The following PDE4D variants were observed in gnomAD, a reference collection of about 807,000 sequenced individuals.
PDE4D encodes 3',5'-cyclic-AMP phosphodiesterase 4D.
PDE4D carries 24 observed loss-of-function variants against 87.4 expected under a neutral mutation model. The observed-to-expected ratio is 0.27, with a 90% CI of 0.20 to 0.39. The LOEUF (loss-of-function observed/expected upper bound fraction) is 0.39. PDE4D is among the 10% of genes least tolerant of loss of function. The probability of loss-of-function intolerance (pLI) is 1.00; values close to 1 mark genes in which losing one functional copy is unlikely to be tolerated. For missense variants in PDE4D, 714 were observed against 1,041.0 expected, an observed-to-expected ratio of 0.69 and a Z score of 4.32; for synonymous variants, 384 against 383.2, an observed-to-expected ratio of 1.00 and a Z score of -0.02.
At chr5:60,487,288 T>C (rs942443513) in intron 1 of PDE4D, among the ~76,000 whole-genome samples, 2 of 152,250 alleles carry the variant, frequency 1.3e-5, no homozygotes, top group Non-Finnish European at 2.9e-5. Context: ...TGTGTCTGTA[T>C]GTGTTTAATG....
intron 1 of PDE4D, among the ~76,000 whole-genome samples, chr5:60,471,440 A>G (rs1370175084): frequency 6.6e-6 from 1 of 152,208 alleles, no homozygotes; most frequent in Non-Finnish European, 1.5e-5. Flanking sequence ...TGGGTTTGAG[A>G]GGACTGACAG....
In PDE4D at chr5:60,107,413, G is replaced by A. The variant is rs539297034; in HGVS notation, c.42+78144C>T. On this transcript the variant is annotated intron_variant, in intron 2 of 16. Transcript: ENST00000502484. ...TCCAGGACCAGATGGATTCACAGCC[G>A]AATTCTACCAGAGGTACAAGGAGGA... 1.8e-4 allele frequency among the ~76,000 whole-genome samples: 27 copies of A among 152,194 alleles called. 1 individual carries two copies. The South Asian group carries it at 3.9e-3, about 22-fold the overall frequency.
At chr5:60,016,749 G>A (rs1172368881) in intron 2 of PDE4D, among the ~76,000 whole-genome samples, 1 of 152,118 alleles carries the variant, frequency 6.6e-6, no homozygotes, top group African/African-American at 2.4e-5. Context: ...CAGCAATTCA[G>A]CCACTTCTGC....
intron 1 of PDE4D, among the ~76,000 whole-genome samples, chr5:59,515,861 A>G (rs925864232): frequency 1.3e-5 from 2 of 152,228 alleles, no homozygotes; most frequent in Non-Finnish European, 2.9e-5. Context: ...TGTCAAAGGT[A>G]ACACTACCAG....
At chr5:59,573,406 C>T (rs1311886579) in intron 1 of PDE4D, among the ~76,000 whole-genome samples, 1 of 152,016 alleles carries the variant, frequency 6.6e-6, no homozygotes, top group Non-Finnish European at 1.5e-5. Context: ...AGTGGTCTTC[C>T]CACCCCTAGC....
intron 1 of PDE4D, among the ~76,000 whole-genome samples, chr5:59,462,753 A>T (rs928543681): frequency 6.6e-6 from 1 of 152,172 alleles, no homozygotes; most frequent in African/African-American, 2.4e-5. Flanking sequence ...TCAATGATGT[A>T]ATATTTAACA....
chr5:60,458,016 T>C (rs574238049), intron 1 of PDE4D, among the ~76,000 whole-genome samples: 3 of 152,336 alleles, frequency 2.0e-5, no homozygotes, highest in African/African-American at 4.8e-5. Context: ...CTATGAGCCA[T>C]CCAGTTGCTA....
intron 1 of PDE4D, among the ~76,000 whole-genome samples, chr5:59,333,501 C>G (rs1275101944): frequency 6.6e-6 from 1 of 152,132 alleles, no homozygotes; most frequent in African/African-American, 2.4e-5. Context: ...TTTTGATTTT[C>G]CCTGTGCAGA....
At chr5:60,280,461 A>G (rs1751792539) in intron 1 of PDE4D, among the ~76,000 whole-genome samples, 1 of 152,142 alleles carries the variant, frequency 6.6e-6, no homozygotes, top group Admixed American at 6.6e-5. Context: ...TAGTGAATAT[A>G]ATTAAATTTA....
chr5:59,756,555 T>C lies in PDE4D; in HGVS notation c.455+136613A>G, dbSNP rs531889122. Among the ~76,000 whole-genome samples, 22 of 102,048 alleles carry C rather than the reference T, an allele frequency of 2.2e-4. No homozygotes were observed. In the South Asian group the frequency reaches 6.3e-3, roughly 29 times the overall value. 66.9% of individuals were successfully genotyped at this position (102,048 alleles called of 152,430 possible). Reference sequence around the variant, plus strand: ...ACACACAGAGACACACACTGAGTCATGGTGACAAAGTCCACACAAATGGTT... The same window carrying C: ...ACACACAGAGACACACACTGAGTCACGGTGACAAAGTCCACACAAATGGTT... On this transcript the variant is annotated intron_variant, in intron 1 of 14. Coordinates refer to ENST00000340635, the MANE Select transcript of PDE4D (RefSeq NM_001104631.2).
At chr5:60,418,484 T>G (rs1256678751) in intron 1 of PDE4D, among the ~76,000 whole-genome samples, 1 of 150,698 alleles carries the variant, frequency 6.6e-6, no homozygotes, top group Non-Finnish European at 1.5e-5. Flanking sequence ...TCGCTGCTGC[T>G]TATCTTATTT....
intron 3 of PDE4D, among the ~76,000 whole-genome samples, chr5:59,957,939 G>A (rs982493933): frequency 2.0e-5 from 3 of 152,220 alleles, no homozygotes; most frequent in African/African-American, 7.2e-5. Context: ...AGCCTGGAGA[G>A]TTTCCTGATT....
chr5:59,060,945 A>C (rs985132158), intron 5 of PDE4D, among the ~76,000 whole-genome samples: 12 of 152,122 alleles, frequency 7.9e-5, no homozygotes, highest in African/African-American at 2.9e-4. Flanking sequence ...CCTACCATGA[A>C]GAATAACACT....
At chr5:60,037,475 C>G (rs1213617306) in intron 2 of PDE4D, among the ~76,000 whole-genome samples, 3 of 152,058 alleles carry the variant, frequency 2.0e-5, no homozygotes, top group Non-Finnish European at 4.4e-5. Context: ...ATATAACTTA[C>G]TTTTTAGTCT....
At chr5:60,473,909 C>G (rs1748060793) in intron 1 of PDE4D, among the ~76,000 whole-genome samples, 1 of 145,740 alleles carries the variant, frequency 6.9e-6, no homozygotes, top group Non-Finnish European at 1.5e-5. Flanking sequence ...TTTGAAGAGG[C>G]TACTTCCTTT....
chr5:59,426,567 C>T (rs1006999478), intron 1 of PDE4D, among the ~76,000 whole-genome samples: 2 of 151,962 alleles, frequency 1.3e-5, no homozygotes, highest in Middle Eastern at 3.2e-3. Flanking sequence ...GGGAAGGACC[C>T]TCACCAGCAC....
At chr5:59,204,009 A>G (rs1748157208) in intron 2 of PDE4D, among the ~76,000 whole-genome samples, 3 of 152,200 alleles carry the variant, frequency 2.0e-5, no homozygotes, top group South Asian at 4.1e-4. Context: ...TAGATTTTAA[A>G]TGTACTCATC....
chr5:59,544,222 G>A (rs1190417505), intron 1 of PDE4D, among the ~76,000 whole-genome samples: 6 of 152,192 alleles, frequency 3.9e-5, no homozygotes, highest in African/African-American at 1.4e-4. Flanking sequence ...CTCATTCATT[G>A]AAGAAGGAAC....
At chr5:59,958,039 C>A (rs1242522230) in intron 3 of PDE4D, among the ~76,000 whole-genome samples, 1 of 152,090 alleles carries the variant, frequency 6.6e-6, no homozygotes, top group Non-Finnish European at 1.5e-5. Flanking sequence ...GCATTTCTAG[C>A]AAACATTTAT....
Sources: allele counts gnomAD v4.1 joint callset (sites outside exome capture counted in the v4.1 genomes callset), GRCh38; gene constraint gnomAD v4.1.1; transcripts MANE v1.5; gene names NCBI Gene and HGNC (gene_info 2026-07-23, HGNC 2026-07-21).